BUB1B: variants seen among roughly 807,000 people sequenced by gnomAD.
BUB1B encodes BUB1 mitotic checkpoint serine/threonine kinase B.
In BUB1B, 86 loss-of-function variants were observed where a neutral mutation model predicts 137.7. The observed-to-expected ratio is 0.62, with a 90% confidence interval of 0.52 to 0.75. BUB1B has a LOEUF of 0.75. BUB1B is among the 30% of genes least tolerant of loss of function. The probability of loss-of-function intolerance (pLI) is 0.00; values close to 1 mark genes in which losing one functional copy is unlikely to be tolerated. For missense variants in BUB1B, 1,130 were observed against 1,236.9 expected (o/e 0.91, Z 1.30); for synonymous variants, 420 against 417.9 (o/e 1.00, Z -0.06).
At chr15:40,163,460 T>A (rs376845580) in intron 1 of BUB1B, among the ~76,000 whole-genome samples, 7 of 152,300 alleles carry the variant, frequency 4.6e-5, no homozygotes, top group African/African-American at 1.7e-4. Flanking sequence ...TGCATGACAA[T>A]AAACAATGCC....
At position 40,206,439 on chromosome 15, in the gene BUB1B, C is replaced by T. The variant is rs768762205; in HGVS notation, c.1990C>T (p.Leu664Phe). ...TTGTGGCACTATCTACAGTCAGACT[C>T]TCAGCATCAAGAAGCTGAGGTGATT... The part of the protein sequence containing the change: ...TACGTIYSQT[L>F]SIKKLSPIIE... Residue 664 changes from leucine (L) to phenylalanine (F), a missense_variant, in exon 15 of 23, where the codon CTC (leucine) becomes TTC (phenylalanine). Transcript: ENST00000287598. 3.7e-6 allele frequency: 6 copies of T among 1,614,176 alleles called. 1 individual carries two copies. Among genetic ancestry groups the T allele is most frequent in the South Asian group, 2.2e-5 (2 of 91,086 alleles).
intron 8 of BUB1B, among the ~76,000 whole-genome samples, chr15:40,186,469 G>T (rs1378023268): frequency 8.9e-6 from 1 of 111,840 alleles, no homozygotes; most frequent in African/African-American, 3.7e-5. Flanking sequence ...ATGGAGTCTC[G>T]CTGTGTCGCC....
At chr15:40,169,665 G>A (rs1422114145) in intron 2 of BUB1B, among the ~76,000 whole-genome samples, 7 of 138,682 alleles carry the variant, frequency 5.0e-5, no homozygotes, top group African/African-American at 1.9e-4. Context: ...CCAGGCTGGA[G>A]TGCAGTGCTG....
rs781319798 is a variant in BUB1B at position 40,165,041 on chromosome 15, CCTT to C, written c.36-7_36-5del. 2.5e-6 allele frequency: 4 copies of C among 1,613,306 alleles called. No individual in the cohort carries two copies. Among genetic ancestry groups the C allele is most frequent in the South Asian group, 2.2e-5 (2 of 91,076 alleles). On this transcript the variant is annotated splice_polypyrimidine_tract_variant and intron_variant, in intron 1 of 22. Transcript: ENST00000287598. ...GTTGGTATGAGATTTACATTTGTTT[CCTT>C]CTTCACAGTGAAGCCATGTCCCTGG...
At chr15:40,190,205 A>T (rs2037418460) in intron 8 of BUB1B, among the ~76,000 whole-genome samples, 1 of 152,248 alleles carries the variant, frequency 6.6e-6, no homozygotes, top group Non-Finnish European at 1.5e-5. Flanking sequence ...CAGCAAAACT[A>T]ACTTTTTTTC....
chr15:40,170,164 A>G (rs750033644), intron 3 of BUB1B, 43 bp downstream of exon 3: 9 of 1,549,334 alleles, frequency 5.8e-6, no homozygotes, highest in East Asian at 2.2e-5. Flanking sequence ...ACATTAACAG[A>G]TAAGTCCTTA....
intron 5 of BUB1B, among the ~76,000 whole-genome samples, chr15:40,177,437 A>G (rs1463984260): frequency 6.6e-6 from 1 of 152,100 alleles, no homozygotes; most frequent in Non-Finnish European, 1.5e-5. Context: ...CTTTTTTAGC[A>G]TATTAATGTT....
At position 40,185,579 on chromosome 15, in the gene BUB1B, C is replaced by T; in HGVS notation, c.995C>T (p.Ala332Val). 1.2e-6 allele frequency: 2 copies of T among 1,614,198 alleles called. No individual in the cohort carries two copies. Among genetic ancestry groups the T allele is most frequent in the Non-Finnish European group, 1.7e-6 (2 of 1,180,030 alleles). Residue 332 changes from alanine to valine, a missense_variant, in exon 8 of 23, where the codon GCT becomes GTT. Coordinates refer to ENST00000287598, the MANE Select transcript of BUB1B (RefSeq NM_001211.6). The part of the protein sequence containing the change: ...RPRGNTASLI[A>V]VPAVLPSFTP... ...CGTGGCAATACAGCTTCACTGATAG[C>T]TGTACCCGCTGTGCTTCCCAGTTTC...
intron 5 of BUB1B, among the ~76,000 whole-genome samples, chr15:40,177,536 T>G (rs2037236782): frequency 6.6e-6 from 1 of 152,098 alleles, no homozygotes; most frequent in Admixed American, 6.5e-5. Context: ...CAGTTGATCA[T>G]ATTCATGTAG....
intron 4 of BUB1B, among the ~76,000 whole-genome samples, chr15:40,172,603 C>T (rs1325147892): frequency 6.6e-6 from 1 of 151,994 alleles, no homozygotes; most frequent in Non-Finnish European, 1.5e-5. Context: ...GAGTAGGCTG[C>T]GGAGGAAGAA....
intron 8 of BUB1B, among the ~76,000 whole-genome samples, chr15:40,189,216 T>C (rs2037407480): frequency 6.6e-6 from 1 of 152,098 alleles, no homozygotes; most frequent in South Asian, 2.1e-4. Context: ...CTGGAGTACA[T>C]TGGTGCAATC....
At chr15:40,164,572 G>A (rs148288497) in intron 1 of BUB1B, among the ~76,000 whole-genome samples, 349 of 152,030 alleles carry the variant, frequency 2.3e-3, no homozygotes, top group Non-Finnish European at 3.9e-3. Context: ...GGTAGGCATA[G>A]AATTACTTGT....
At chr15:40,174,055 A>T (rs921303061) in intron 4 of BUB1B, 2 of 377,400 alleles carry the variant, frequency 5.3e-6, no homozygotes, top group Admixed American at 3.8e-5. Flanking sequence ...CTATTAATCT[A>T]ACCATATAGT....
In BUB1B at chr15:40,209,794, A is replaced by T. The variant is rs371943548; in HGVS notation, c.2284+19A>T. Reference sequence around the variant, plus strand: ...GAATTAGGTAAGTACCATTGAACTCATGTCCTCTGGTTCATGACAGTATAC... The same window carrying T: ...GAATTAGGTAAGTACCATTGAACTCTTGTCCTCTGGTTCATGACAGTATAC... On this transcript the variant is annotated intron_variant, in intron 17 of 22. Coordinates refer to ENST00000287598, the MANE Select transcript of BUB1B (RefSeq NM_001211.6). 2.5e-6 allele frequency: 4 copies of T among 1,613,554 alleles called. No individual in the cohort carries two copies. The African/African-American group carries it at 5.3e-5, about 22-fold the overall frequency.
chr15:40,200,587 A>G (rs1032533601), intron 11 of BUB1B, among the ~76,000 whole-genome samples: 2 of 152,212 alleles, frequency 1.3e-5, no homozygotes, highest in Admixed American at 6.5e-5. Flanking sequence ...TACTGTTTTT[A>G]AAAAACAAAA....
chr15:40,171,365 T>C (rs541823215), intron 4 of BUB1B, among the ~76,000 whole-genome samples: 8 of 152,066 alleles, frequency 5.3e-5, no homozygotes, highest in Admixed American at 5.2e-4. Context: ...CAGGGCAAAA[T>C]TGGTGAGACC....
intron 16 of BUB1B, 31 bp from the exon 17 acceptor site, chr15:40,209,604 A>G (rs755713103): frequency 1.2e-6 from 2 of 1,613,256 alleles, no homozygotes; most frequent in East Asian, 4.5e-5. Flanking sequence ...TTTTTTGGTG[A>G]TATATTTTCA....
chr15:40,204,881 C>G (rs1430994585), intron 14 of BUB1B, among the ~76,000 whole-genome samples: 2 of 151,798 alleles, frequency 1.3e-5, no homozygotes, highest in Non-Finnish European at 2.9e-5. Context: ...AGTGATCTTC[C>G]CACCTCAGCC....
chr15:40,219,609 A>G (rs1191851530), intron 22 of BUB1B, among the ~76,000 whole-genome samples: 1 of 152,160 alleles, frequency 6.6e-6, no homozygotes, highest in Non-Finnish European at 1.5e-5. Flanking sequence ...AATCCTAGCT[A>G]CTTGGGAAGC....
Sources: allele counts gnomAD v4.1 joint callset (sites outside exome capture counted in the v4.1 genomes callset), GRCh38; gene constraint gnomAD v4.1.1; transcripts MANE v1.5; gene names NCBI Gene and HGNC (gene_info 2026-07-23, HGNC 2026-07-21).